The following MED17 variants were observed in gnomAD, a reference collection of about 807,000 sequenced individuals.
MED17 encodes the protein mediator complex subunit 17.
In MED17, 49 loss-of-function variants were observed where a neutral mutation model predicts 80.8. That is an observed-to-expected ratio of 0.61 (90% CI 0.48 to 0.77). MED17 has a LOEUF of 0.77. Among genes scored for constraint, MED17 ranks in the 30% least tolerant of loss-of-function variants. The pLI is 0.00. For synonymous variants in MED17, 281 were observed against 280.4 expected (o/e 1.00, Z -0.02); for missense variants, 718 against 787.0 (o/e 0.91, Z 1.05).
At chr11:93,794,314 C>G (rs188989916) in intron 5 of MED17, 1 of 328,784 alleles carries the variant, frequency 3.0e-6, no homozygotes, top group South Asian at 2.8e-5. Context: ...AAGCGATTCT[C>G]CTGCCTCAGC....
At chr11:93,804,128 T>C (rs1489662591) in intron 9 of MED17, among the ~76,000 whole-genome samples, 1 of 151,524 alleles carries the variant, frequency 6.6e-6, no homozygotes, top group Non-Finnish European at 1.5e-5. Flanking sequence ...ATCTGCCGGC[T>C]GAGAAGCAAG....
chr11:93,791,247 T>G (rs953309265), intron 3 of MED17, among the ~76,000 whole-genome samples: 9 of 152,212 alleles, frequency 5.9e-5, no homozygotes, highest in Non-Finnish European at 1.0e-4. Flanking sequence ...ATCAGAACCT[T>G]ATAATAAATA....
chr11:93,809,957 A>G, intron 11 of MED17, 81 bp downstream of exon 11: 1 of 1,385,468 alleles, frequency 7.2e-7, no homozygotes, highest in Non-Finnish European at 1.0e-6. Context: ...AATATGGGTA[A>G]GAGTAATTTA....
intron 8 of MED17, 175 bp from the exon 9 acceptor site, chr11:93,801,660 G>T (rs912326505): frequency 6.7e-6 from 4 of 599,130 alleles, no homozygotes; most frequent in Non-Finnish European, 1.2e-5. Context: ...ACACATTCAA[G>T]CAGTATGAAA....
intron 5 of MED17, 200 bp from the exon 6 acceptor site, chr11:93,794,708 A>G: frequency 1.6e-6 from 1 of 609,392 alleles, no homozygotes; most frequent in East Asian, 2.8e-5. Context: ...GGAACTTCTC[A>G]ATACCCTGCC....
chr11:93,811,739 T>A (rs1220515115), intron 11 of MED17, 114 bp from the exon 12 acceptor site: 21 of 952,412 alleles, frequency 2.2e-5, no homozygotes, highest in Non-Finnish European at 3.5e-5. Context: ...CAAGAATATT[T>A]AAGTTGGTAG....
At chr11:93,795,272 A>C in intron 6 of MED17, 2 of 634,740 alleles carry the variant, frequency 3.2e-6, no homozygotes, top group Non-Finnish European at 5.4e-6. Flanking sequence ...TTTAAGCTAC[A>C]TATTAAAAAT....
chr11:93,789,784 C>A (rs1016112919), intron 2 of MED17: 4 of 131,050 alleles, frequency 3.1e-5, no homozygotes, highest in African/African-American at 5.6e-5. Context: ...CATAGCAAGA[C>A]CCTGTCTCTA....
At chr11:93,794,488 G>T (rs1943879927) in intron 5 of MED17, 2 of 254,674 alleles carry the variant, frequency 7.9e-6, no homozygotes, top group Non-Finnish European at 1.5e-5. Context: ...ACAGGCATGA[G>T]CCACCAGCAC....
At chr11:93,789,550 G>T (rs921525660) in intron 2 of MED17, 1 of 152,174 alleles carries the variant, frequency 6.6e-6, no homozygotes, top group Non-Finnish European at 1.5e-5. Flanking sequence ...CCAGAAAACT[G>T]TATTAAACTG....
intron 9 of MED17, among the ~76,000 whole-genome samples, chr11:93,803,995 GTGTGT>G (rs1943992963): frequency 3.4e-4 from 1 of 2,936 alleles, no homozygotes; most frequent in African/African-American, 4.5e-4. Flanking sequence ...GTATATATGT[GTGTGT>G]ATATATATAT....
intron 9 of MED17, chr11:93,806,851 A>G (rs907897105): frequency 6.6e-6 from 1 of 152,208 alleles, no homozygotes; most frequent in African/African-American, 2.4e-5. Flanking sequence ...GCTTGTGGAA[A>G]CCATGCCTAT....
rs1295184093 is a variant in MED17, at chr11:93,811,837, T to G, written c.1745-16T>G. On this transcript the variant is annotated splice_polypyrimidine_tract_variant and intron_variant, in intron 11 of 11. Transcript: ENST00000251871. ...GGTAAACTAGAGTGTATTGATATTTTGGTTTTTCTCCACAGTTCGTAATGG... is the reference window on the plus strand; with the variant it reads ...GGTAAACTAGAGTGTATTGATATTTGGGTTTTTCTCCACAGTTCGTAATGG... 1.2e-6 allele frequency: 2 copies of G among 1,608,892 alleles called. No individual in the cohort carries two copies. The highest frequency in any genetic ancestry group is 2.7e-5 in the African/African-American group (2 of 74,798).
At chr11:93,810,068 A>G (rs954175345) in intron 11 of MED17, 192 bp downstream of exon 11, 6 of 613,526 alleles carry the variant, frequency 9.8e-6, no homozygotes, top group Admixed American at 2.7e-5. Flanking sequence ...TCTAGTAATT[A>G]TAATAAATGT....
intron 6 of MED17, chr11:93,796,196 C>T (rs1943899101): frequency 8.0e-6 from 4 of 501,754 alleles, no homozygotes; most frequent in Admixed American, 3.1e-5. Flanking sequence ...TGTGATCCAC[C>T]CACCTTGGCC....
Position 93,794,267 on chromosome 11 carries a change from C to G in MED17, c.859+232C>G, listed in dbSNP as rs685865. ...TTGCCCAGGCTAGAGTGCAATGGCGCAGTCTCGGCTCACCGCAACGTCTAC... is the reference window on the plus strand; with the variant it reads ...TTGCCCAGGCTAGAGTGCAATGGCGGAGTCTCGGCTCACCGCAACGTCTAC... On this transcript the variant is annotated intron_variant, in intron 5 of 11. Transcript: ENST00000251871. The G allele has an allele frequency of 0.21, 83,852 of 390,816 alleles. 10,263 individuals carry two copies. The highest frequency in any genetic ancestry group is 0.24 in the South Asian group (10,319 of 42,132). 24.2% of individuals were successfully genotyped at this position (390,816 alleles called of 1,614,324 possible).
intron 5 of MED17, chr11:93,794,288 T>G (rs182681162): frequency 8.2e-6 from 3 of 367,722 alleles, no homozygotes; most frequent in Admixed American, 4.3e-5. Context: ...CACCGCAACG[T>G]CTACCTCCCA....
intron 2 of MED17, chr11:93,789,883 A>T (rs965424032): frequency 6.6e-6 from 1 of 151,720 alleles, no homozygotes; most frequent in Non-Finnish European, 1.5e-5. Flanking sequence ...CACTTGAGCC[A>T]GTAGGTCAAG....
At chr11:93,808,999 A>C (rs899589654) in intron 10 of MED17, 4 of 154,292 alleles carry the variant, frequency 2.6e-5, no homozygotes, top group South Asian at 2.0e-4. Context: ...ACTCAGGAGG[A>C]TCTAAAGATC....
Sources: allele counts gnomAD v4.1 joint callset (sites outside exome capture counted in the v4.1 genomes callset), GRCh38; gene constraint gnomAD v4.1.1; transcripts MANE v1.5; gene names NCBI Gene and HGNC (gene_info 2026-07-23, HGNC 2026-07-21).